Variants in PDE4D observed in about 807,000 individuals in gnomAD.
The protein encoded by PDE4D is phosphodiesterase 4D.
A neutral mutation model predicts 87.4 loss-of-function variants in PDE4D; 24 were observed. That is an observed-to-expected ratio of 0.27 (90% CI 0.20 to 0.39). The LOEUF is 0.39. Ranked by LOEUF, PDE4D falls within the 10% of genes least tolerant of loss-of-function variation. The probability of loss-of-function intolerance (pLI) is 1.00; values close to 1 mark genes in which losing one functional copy is unlikely to be tolerated. For synonymous variants in PDE4D, 384 were observed against 383.2 expected (o/e 1.00, Z -0.02); for missense variants, 714 against 1,041.0 (o/e 0.69, Z 4.32).
intron 1 of PDE4D, among the ~76,000 whole-genome samples, chr5:59,387,783 CT>C (rs1424984952): frequency 2.0e-5 from 3 of 152,070 alleles, no homozygotes; most frequent in African/African-American, 7.2e-5. Flanking sequence ...ACAAACTTAT[CT>C]TTTTTTGTGG....
intron 1 of PDE4D, among the ~76,000 whole-genome samples, chr5:59,282,742 T>C (rs914979014): frequency 6.6e-6 from 1 of 151,282 alleles, no homozygotes; most frequent in Non-Finnish European, 1.5e-5. Flanking sequence ...TCTGATGTAA[T>C]GGGAAATGTT....
chr5:58,999,279 G>A (rs1024666736), intron 6 of PDE4D, among the ~76,000 whole-genome samples: 18 of 149,430 alleles, frequency 1.2e-4, no homozygotes, highest in Admixed American at 4.0e-4. Context: ...GAACTACTGC[G>A]TATCTAAAAA....
At chr5:60,007,850 C>T (rs1000480298) in intron 2 of PDE4D, among the ~76,000 whole-genome samples, 2 of 151,952 alleles carry the variant, frequency 1.3e-5, no homozygotes, top group Non-Finnish European at 2.9e-5. Context: ...TTTAGGTGCT[C>T]TGATATAGCT....
chr5:59,053,811 T>C (rs1561396842), intron 5 of PDE4D, among the ~76,000 whole-genome samples: 1 of 151,632 alleles, frequency 6.6e-6, no homozygotes, highest in Non-Finnish European at 1.5e-5. Context: ...ATCTTGTGCC[T>C]CAAGCGAGGC....
At chr5:60,292,004 G>A (rs1437527493) in intron 1 of PDE4D, among the ~76,000 whole-genome samples, 1 of 151,858 alleles carries the variant, frequency 6.6e-6, no homozygotes, top group African/African-American at 2.4e-5. Context: ...CGTTACATAG[G>A]GAAACATTCC....
At chr5:60,122,426 C>T (rs903757515) in intron 2 of PDE4D, among the ~76,000 whole-genome samples, 1 of 152,232 alleles carries the variant, frequency 6.6e-6, no homozygotes, top group Admixed American at 6.5e-5. Context: ...GAAATATAGG[C>T]GGAGGTTCCC....
At chr5:59,034,388 T>C (rs904062503) in intron 6 of PDE4D, among the ~76,000 whole-genome samples, 3 of 152,208 alleles carry the variant, frequency 2.0e-5, no homozygotes, top group African/African-American at 7.2e-5. Flanking sequence ...CCTTTTCCAA[T>C]TAACTTAGTT....
intron 1 of PDE4D, among the ~76,000 whole-genome samples, chr5:60,348,401 TA>T (rs138412731): frequency 0.036 from 5,473 of 152,166 alleles, 133 homozygotes; most frequent in East Asian, 0.12. Context: ...ATATTAAGTT[TA>T]AAAAATGTCT....
chr5:59,199,961 T>C (rs572202881), intron 2 of PDE4D, among the ~76,000 whole-genome samples: 17 of 151,230 alleles, frequency 1.1e-4, no homozygotes, highest in Admixed American at 3.3e-4. Context: ...CATGTATACA[T>C]ACAGGCACAT....
chr5:59,922,298 C>T (rs1754759359), intron 3 of PDE4D, among the ~76,000 whole-genome samples: 2 of 152,086 alleles, frequency 1.3e-5, no homozygotes, highest in Non-Finnish European at 2.9e-5. Flanking sequence ...AATTCCTGGG[C>T]AAGTACTGAT....
intron 1 of PDE4D, among the ~76,000 whole-genome samples, chr5:60,201,092 G>T (rs1741847844): frequency 7.0e-6 from 1 of 143,844 alleles, no homozygotes; most frequent in African/African-American, 2.5e-5. Flanking sequence ...TGTTTAAAGT[G>T]CTAGCTAATA....
intron 3 of PDE4D, among the ~76,000 whole-genome samples, chr5:59,972,201 T>C (rs1200088343): frequency 6.6e-6 from 1 of 152,190 alleles, no homozygotes; most frequent in Non-Finnish European, 1.5e-5. Context: ...CAGAGGGGCA[T>C]GCAGAGGGAA....
At chr5:59,430,221 T>A in intron 1 of PDE4D, 1 of 1,209,266 alleles carries the variant, frequency 8.3e-7, no homozygotes, top group South Asian at 4.2e-5. Flanking sequence ...TCAGCAGACA[T>A]CCAAAGCAGT....
chr5:60,257,491 T>A lies in PDE4D; in HGVS notation c.-89-71804A>T, dbSNP rs115348546. ...AAACTATCTGCATGCTTTGATGTAG[T>A]TTGTAAAGTGTCTGTCCTGTTTTCA... On this transcript the variant is annotated intron_variant, in intron 1 of 16. Transcript: ENST00000502484. Among the ~76,000 whole-genome samples, 607 of 152,084 alleles carry A rather than the reference T, an allele frequency of 4.0e-3. 5 individuals carry two copies. The highest frequency in any genetic ancestry group is 0.014 in the African/African-American group (575 of 41,550).
At chr5:59,448,704 A>G (rs1798702609) in intron 1 of PDE4D, among the ~76,000 whole-genome samples, 1 of 152,190 alleles carries the variant, frequency 6.6e-6, no homozygotes, top group Admixed American at 6.5e-5. Context: ...GCAGTGGCAC[A>G]ATCGCTGCAA....
intron 2 of PDE4D, among the ~76,000 whole-genome samples, chr5:60,024,568 C>T (rs1226393350): frequency 6.6e-6 from 1 of 152,102 alleles, no homozygotes; most frequent in East Asian, 1.9e-4. Flanking sequence ...AACCTTGAAG[C>T]ATGGGGTACA....
intron 1 of PDE4D, among the ~76,000 whole-genome samples, chr5:60,514,799 C>T (rs1268293158): frequency 2.0e-5 from 3 of 152,008 alleles, no homozygotes; most frequent in South Asian, 4.1e-4. Context: ...AAAATGCTTA[C>T]CATCAACATT....
chr5:59,116,046 T>C (rs1773555836), intron 5 of PDE4D, among the ~76,000 whole-genome samples: 1 of 152,196 alleles, frequency 6.6e-6, no homozygotes, highest in African/African-American at 2.4e-5. Context: ...TAGCGTTTGC[T>C]GTAGTCCTAA....
At chr5:60,185,603 G>T (rs918814124) in exon 2 of PDE4D, 3 of 1,526,120 alleles carry the variant, frequency 2.0e-6, no homozygotes, top group Middle Eastern at 1.7e-4. Context: ...TTTCATCGTG[G>T]TGTTTTAAGT....
Sources: allele counts gnomAD v4.1 joint callset (sites outside exome capture counted in the v4.1 genomes callset), GRCh38; gene constraint gnomAD v4.1.1; transcripts MANE v1.5; gene names NCBI Gene and HGNC (gene_info 2026-07-23, HGNC 2026-07-21).